The following NWD1 variants were observed in gnomAD, a reference collection of about 807,000 sequenced individuals.
The protein encoded by NWD1 is NACHT domain- and WD repeat-containing protein 1.
NWD1 carries 129 observed loss-of-function variants against 135.1 expected under a neutral mutation model. The observed-to-expected ratio is 0.96, with a 90% CI of 0.83 to 1.11. The LOEUF is 1.11. Among genes scored for constraint, NWD1 ranks in the 50% least tolerant of loss-of-function variants. The pLI, the probability that NWD1 is intolerant of heterozygous loss-of-function variation, is 0.00. For synonymous variants in NWD1, 773 were observed against 786.0 expected (o/e 0.98, Z 0.28); for missense variants, 1,740 against 1,851.3 (o/e 0.94, Z 1.10).
At chr19:16,745,375 C>T (rs17523708) in intron 5 of NWD1, among the ~76,000 whole-genome samples, 41,026 of 151,676 alleles carry the variant, frequency 0.27, 6,115 homozygotes, top group Middle Eastern at 0.44. Context: ...CAATGCAGGG[C>T]GACTACCATC....
intron 2 of NWD1, among the ~76,000 whole-genome samples, chr19:16,729,035 G>T (rs1484949337): frequency 6.6e-6 from 1 of 152,022 alleles, no homozygotes; most frequent in Admixed American, 6.6e-5. Context: ...GGAGGCCGAG[G>T]TGGGAGAATT....
At chr19:16,803,336 A>G (rs559594039) in intron 17 of NWD1, among the ~76,000 whole-genome samples, 1 of 152,224 alleles carries the variant, frequency 6.6e-6, no homozygotes, top group African/African-American at 2.4e-5. Flanking sequence ...CAACAGACTT[A>G]GACAGGCCCC....
chr19:16,729,455 G>A (rs978877390), intron 2 of NWD1, among the ~76,000 whole-genome samples: 1 of 151,924 alleles, frequency 6.6e-6, no homozygotes, highest in Non-Finnish European at 1.5e-5. Context: ...CCCGTCTTCA[G>A]GGAGCCCTTC....
At chr19:16,722,532 G>A (rs1410188349) in intron 1 of NWD1, among the ~76,000 whole-genome samples, 13 of 151,590 alleles carry the variant, frequency 8.6e-5, no homozygotes, top group Middle Eastern at 3.2e-3. Flanking sequence ...CAGGCGATCC[G>A]CCCACCTTGG....
In NWD1 at chr19:16,783,009, T is replaced by TTTCC. The variant is rs1555728572; in HGVS notation, c.2731+3547_2731+3548insCTTC. ...CCTCCCTCCTTTCTCTCTCTCTTTC[T>TTTCC]TTCTTTCCTTCTTTCTTTCTTTTCT... On this transcript the variant is annotated intron_variant, in intron 12 of 18. Transcript: ENST00000524140. Among the ~76,000 whole-genome samples the TTTCC allele has an allele frequency of 1.1e-3, 164 of 144,622 alleles. 1 individual carries two copies. Among genetic ancestry groups the TTTCC allele is most frequent in the African/African-American group, 4.1e-3 (152 of 37,468 alleles). 94.9% of individuals were successfully genotyped at this position (144,622 alleles called of 152,430 possible).
intron 12 of NWD1, among the ~76,000 whole-genome samples, chr19:16,782,945 TC>T (rs34274760): frequency 2.7e-5 from 4 of 145,670 alleles, no homozygotes; most frequent in Admixed American, 1.4e-4. Context: ...TTCCCTTCCT[TC>T]CCCCCTTCCC....
At chr19:16,747,382 TTTAA>T (rs1968369325) in intron 5 of NWD1, among the ~76,000 whole-genome samples, 1 of 140,192 alleles carries the variant, frequency 7.1e-6, no homozygotes, top group Admixed American at 7.2e-5. Flanking sequence ...TATTTATTTA[TTTAA>T]TTTTTTTTGA....
At chr19:16,814,799 C>T (rs1257637672) in intron 18 of NWD1, among the ~76,000 whole-genome samples, 2 of 152,190 alleles carry the variant, frequency 1.3e-5, no homozygotes, top group African/African-American at 4.8e-5. Context: ...AGCACATGAC[C>T]TGCATGATGC....
intron 5 of NWD1, among the ~76,000 whole-genome samples, chr19:16,745,577 A>AAG (rs1048546944): frequency 6.6e-6 from 1 of 151,932 alleles, no homozygotes; most frequent in Non-Finnish European, 1.5e-5. Flanking sequence ...AAAAAAAAAA[A>AAG]AAACTTTTAA....
intron 12 of NWD1, among the ~76,000 whole-genome samples, chr19:16,784,263 G>C (rs770544668): frequency 1.3e-5 from 2 of 151,628 alleles, no homozygotes; most frequent in African/African-American, 4.8e-5. Context: ...CCCAGGCTGC[G>C]GCTGAGGCAG....
chr19:16,745,169 G>A (rs908348140), intron 5 of NWD1: 12 of 421,460 alleles, frequency 2.8e-5, no homozygotes, highest in Non-Finnish European at 5.6e-5. Flanking sequence ...TGAGAGCCAA[G>A]CGAAAGGGGA....
At chr19:16,806,471 G>A (rs1970748066) in intron 17 of NWD1, among the ~76,000 whole-genome samples, 1 of 152,174 alleles carries the variant, frequency 6.6e-6, no homozygotes, top group Non-Finnish European at 1.5e-5. Context: ...TGTAATCCCA[G>A]TACTTTGGGA....
intron 12 of NWD1, among the ~76,000 whole-genome samples, chr19:16,783,102 G>C (rs1969917161): frequency 6.7e-6 from 1 of 148,452 alleles, no homozygotes; most frequent in Admixed American, 6.8e-5. Flanking sequence ...TGCAATCATA[G>C]TACACTACAA....
rs1392273051 is a variant in NWD1 at position 16,764,062 on chromosome 19, A to G, written c.2251+117A>G. The G allele has an allele frequency of 1.1e-5, 7 of 658,910 alleles. No homozygotes were observed. In the Admixed American group the frequency reaches 1.8e-4, roughly 17 times the overall value. The allele number at this position is 658,910 out of a possible 1,614,324, so 40.8% of individuals were successfully genotyped here. A position where few individuals can be genotyped will look rare whatever the true frequency, so the allele number is the denominator to read the frequency against. ...GGAAATCCTTCGTTCCTCCTAAGGC[A>G]GAGGTTCTCACAAGGGGCAATTCTA... On this transcript the variant is annotated intron_variant, in intron 9 of 18. Transcript: ENST00000524140.
intron 11 of NWD1, among the ~76,000 whole-genome samples, chr19:16,778,830 C>T (rs572009255): frequency 1.1e-4 from 16 of 152,156 alleles, no homozygotes; most frequent in Non-Finnish European, 1.5e-4. Flanking sequence ...CCACCGTGCC[C>T]GGCCATGGCC....
At chr19:16,809,607 T>A (rs1035497200) in intron 18 of NWD1, among the ~76,000 whole-genome samples, 2 of 149,090 alleles carry the variant, frequency 1.3e-5, no homozygotes, top group African/African-American at 5.0e-5. Flanking sequence ...CAGGCTGGAG[T>A]GCAGTGGTGC....
At chr19:16,773,590 C>A (rs993451426) in intron 11 of NWD1, among the ~76,000 whole-genome samples, 1 of 152,122 alleles carries the variant, frequency 6.6e-6, no homozygotes, top group Non-Finnish European at 1.5e-5. Flanking sequence ...GGGATTGGTG[C>A]CCATCTGACA....
chr19:16,761,778 A>G (rs1969022161), intron 7 of NWD1, among the ~76,000 whole-genome samples: 1 of 151,966 alleles, frequency 6.6e-6, no homozygotes, highest in Admixed American at 6.6e-5. Context: ...TTTGAAATGT[A>G]TGTAAGGAAA....
At chr19:16,778,412 C>T (rs948637057) in intron 11 of NWD1, among the ~76,000 whole-genome samples, 7 of 152,028 alleles carry the variant, frequency 4.6e-5, no homozygotes, top group Non-Finnish European at 1.0e-4. Flanking sequence ...CAGTTGAACT[C>T]AGAGATGTCA....
Sources: allele counts gnomAD v4.1 joint callset (sites outside exome capture counted in the v4.1 genomes callset), GRCh38; gene constraint gnomAD v4.1.1; transcripts MANE v1.5; gene names NCBI Gene and HGNC (gene_info 2026-07-23, HGNC 2026-07-21).